HAPLN1: variants seen among roughly 807,000 people sequenced by gnomAD.
HAPLN1 encodes the protein Cartilage link protein.
In HAPLN1, 13 loss-of-function variants were observed where a neutral mutation model predicts 36.5. The ratio of observed to expected loss-of-function variants is 0.36; its 90% CI spans 0.23 to 0.57. The LOEUF is 0.57. Among genes scored for constraint, HAPLN1 ranks in the 20% least tolerant of loss-of-function variants. HAPLN1 has a pLI of 0.83. For missense variants in HAPLN1, 407 were observed against 439.7 expected, an observed-to-expected ratio of 0.93 and a Z score of 0.66; for synonymous variants, 202 against 169.8, an observed-to-expected ratio of 1.19 and a Z score of -1.48.
chr5:83,659,581 T>C (rs1160876657), intron 2 of HAPLN1, among the ~76,000 whole-genome samples: 2 of 151,934 alleles, frequency 1.3e-5, no homozygotes, highest in Admixed American at 6.6e-5. Flanking sequence ...ATAAACTAAA[T>C]AAAAATCTTA....
chr5:83,720,687 A>G (rs1253715667), intron 1 of HAPLN1, 102 bp downstream of exon 1: 3 of 152,224 alleles, frequency 2.0e-5, no homozygotes, highest in Non-Finnish European at 2.9e-5. Context: ...AAAAGAATAA[A>G]ATTTGTTTAA....
intron 1 of HAPLN1, among the ~76,000 whole-genome samples, chr5:83,677,815 G>T (rs143278139): frequency 5.9e-4 from 90 of 152,248 alleles, no homozygotes; most frequent in African/African-American, 2.1e-3. Context: ...TGATCGTTAT[G>T]GATAAATGTA....
At chr5:83,668,923 G>A (rs1257645342) in intron 2 of HAPLN1, among the ~76,000 whole-genome samples, 2 of 152,158 alleles carry the variant, frequency 1.3e-5, no homozygotes, top group African/African-American at 4.8e-5. Context: ...TTCTGCCAGC[G>A]GTTCTGGATA....
Position 83,640,542 on chromosome 5 carries a change from A to G in HAPLN1, c.*954T>C, listed in dbSNP as rs1269062981. 1 of 152,208 alleles carries G rather than the reference A, an allele frequency of 6.6e-6. No homozygotes were observed. The highest frequency in any genetic ancestry group is 1.5e-5 in the Non-Finnish European group (1 of 68,032). The allele number at this position is 152,208 out of a possible 1,614,324, so 9.4% of individuals were successfully genotyped here. ...TTTATAATGTAATTGATTTTCATAT[A>G]ATGTAAATATGAAATATTAAATCAG... On this transcript the variant is annotated 3_prime_UTR_variant, in exon 5 of 5. Transcript: ENST00000274341.
chr5:83,653,507 C>T (rs7730086), intron 2 of HAPLN1, among the ~76,000 whole-genome samples: 11,497 of 152,216 alleles, frequency 0.076, 1,300 homozygotes, highest in African/African-American at 0.25. Flanking sequence ...GAAATGTATT[C>T]CTCAAAATTT....
intron 2 of HAPLN1, among the ~76,000 whole-genome samples, chr5:83,653,818 T>A (rs1470456825): frequency 1.3e-5 from 2 of 152,232 alleles, no homozygotes; most frequent in South Asian, 2.1e-4. Context: ...TTCTCTGGGG[T>A]TTCCCCCTGG....
intron 1 of HAPLN1, chr5:83,675,374 A>G (rs954190870): frequency 6.6e-6 from 1 of 152,142 alleles, no homozygotes; most frequent in Admixed American, 6.6e-5. Context: ...TGTATAATTT[A>G]ACAATCAAAC....
rs1749793886 is a variant in HAPLN1 at position 83,644,489 on chromosome 5, A to G, written c.649T>C (p.Tyr217His). 1 of 1,613,046 alleles carries G rather than the reference A, an allele frequency of 6.2e-7. No individual in the cohort carries two copies. The highest frequency in any genetic ancestry group is 8.5e-7 in the Non-Finnish European group (1 of 1,179,536). ...GGCTCTCTGGGCTTTGTGATGGGAT[A>G]TTGCACAGAGCCATCACTGAGCCAG... Reference protein sequence around the residue: ...AGWLSDGSVQYPITKPREPCG... With the variant: ...AGWLSDGSVQHPITKPREPCG... The change falls in exon 4 of 5, where the codon TAT becomes CAT. Residue 217 changes from tyrosine to histidine, a missense_variant. Transcript: ENST00000274341.
intron 2 of HAPLN1, among the ~76,000 whole-genome samples, chr5:83,664,898 C>T (rs1368831609): frequency 6.6e-6 from 1 of 152,036 alleles, no homozygotes; most frequent in East Asian, 1.9e-4. Flanking sequence ...TATACGGAAA[C>T]ATTTAAAGGA....
At chr5:83,712,234 A>C (rs1366040719) in intron 1 of HAPLN1, among the ~76,000 whole-genome samples, 5 of 152,126 alleles carry the variant, frequency 3.3e-5, no homozygotes, top group African/African-American at 7.2e-5. Flanking sequence ...AAGGGTCAAG[A>C]TCCTTTCAGG....
At chr5:83,662,476 A>G (rs1264802927) in intron 2 of HAPLN1, among the ~76,000 whole-genome samples, 3 of 152,214 alleles carry the variant, frequency 2.0e-5, no homozygotes, top group African/African-American at 7.2e-5. Flanking sequence ...CTAGCATTTA[A>G]TGCTTATGTT....
intron 1 of HAPLN1, among the ~76,000 whole-genome samples, chr5:83,699,285 G>C (rs1029474451): frequency 2.6e-5 from 4 of 152,158 alleles, no homozygotes; most frequent in Admixed American, 6.5e-5. Context: ...AAACTATATA[G>C]TGACTCCACT....
chr5:83,699,535 C>G (rs889668002), intron 1 of HAPLN1, among the ~76,000 whole-genome samples: 17 of 152,168 alleles, frequency 1.1e-4, no homozygotes, highest in Non-Finnish European at 7.3e-5. Context: ...GATCTAAACT[C>G]CACAGTCAAT....
At chr5:83,647,713 G>A (rs1749913506) in intron 3 of HAPLN1, among the ~76,000 whole-genome samples, 1 of 152,070 alleles carries the variant, frequency 6.6e-6, no homozygotes, top group Non-Finnish European at 1.5e-5. Context: ...GATTGTCCAA[G>A]GAATATCTGA....
chr5:83,687,705 T>G (rs1279949365), intron 1 of HAPLN1, among the ~76,000 whole-genome samples: 1 of 152,254 alleles, frequency 6.6e-6, no homozygotes, highest in Non-Finnish European at 1.5e-5. Context: ...ATAACTGTTT[T>G]GCAAGTTATA....
At chr5:83,656,828 AT>A (rs1180723341) in intron 2 of HAPLN1, among the ~76,000 whole-genome samples, 1 of 152,144 alleles carries the variant, frequency 6.6e-6, no homozygotes, top group Non-Finnish European at 1.5e-5. Context: ...AGAGGACATC[AT>A]TTAGTTTCAC....
At chr5:83,684,215 C>T (rs1751069541) in intron 1 of HAPLN1, among the ~76,000 whole-genome samples, 1 of 152,116 alleles carries the variant, frequency 6.6e-6, no homozygotes, top group Non-Finnish European at 1.5e-5. Context: ...CCTTACATAT[C>T]TCAGGGGCAC....
At chr5:83,708,219 T>A (rs1343963151) in intron 1 of HAPLN1, among the ~76,000 whole-genome samples, 1 of 152,150 alleles carries the variant, frequency 6.6e-6, no homozygotes. Flanking sequence ...GGGGATATAC[T>A]CAGAGGAATA....
intron 4 of HAPLN1, among the ~76,000 whole-genome samples, chr5:83,642,523 C>T (rs920362049): frequency 6.6e-6 from 1 of 152,056 alleles, no homozygotes; most frequent in Non-Finnish European, 1.5e-5. Flanking sequence ...TACTGAGATT[C>T]CTTCAATATG....
Sources: gnomAD v4.1 joint callset for allele counts (sites outside exome capture counted in the v4.1 genomes callset) on GRCh38, gnomAD v4.1.1 for gene constraint, MANE v1.5 for transcripts, NCBI Gene and HGNC (gene_info 2026-07-23, HGNC 2026-07-21) for gene names.